LRRIQ3: variants seen among roughly 807,000 people sequenced by gnomAD.
LRRIQ3 encodes the protein leucine rich repeats and IQ motif containing 3, also known as leucine-rich repeat and IQ domain-containing protein 3.
LRRIQ3 carries 75 observed loss-of-function variants against 59.3 expected under a neutral mutation model. The ratio of observed to expected loss-of-function variants is 1.26; its 90% CI spans 1.05 to 1.53. The LOEUF is 1.53. LRRIQ3 is among the 40% of genes most tolerant of loss of function. The pLI is 0.00. For synonymous variants in LRRIQ3, 250 were observed against 231.3 expected, an observed-to-expected ratio of 1.08 and a Z score of -0.73; for missense variants, 831 against 710.0, an observed-to-expected ratio of 1.17 and a Z score of -1.94.
chr1:74,054,764 A>C (rs942092001), intron 6 of LRRIQ3, among the ~76,000 whole-genome samples: 93 of 147,766 alleles, frequency 6.3e-4, no homozygotes, highest in East Asian at 5.9e-4. Context: ...ATATCTATAT[A>C]TCTACATACA....
chr1:74,100,930 A>G (rs1221825790), intron 5 of LRRIQ3, among the ~76,000 whole-genome samples: 1 of 152,180 alleles, frequency 6.6e-6, no homozygotes, highest in Non-Finnish European at 1.5e-5. Flanking sequence ...AAAGACTTAA[A>G]TGTTAGACCT....
chr1:74,168,288 T>C (rs1308577727), intron 3 of LRRIQ3, among the ~76,000 whole-genome samples: 1 of 152,050 alleles, frequency 6.6e-6, no homozygotes, highest in African/African-American at 2.4e-5. Flanking sequence ...CCATTTAGAA[T>C]GGCTATGCCT....
At chr1:74,130,629 C>T (rs1429896845) in intron 4 of LRRIQ3, among the ~76,000 whole-genome samples, 1 of 152,096 alleles carries the variant, frequency 6.6e-6, no homozygotes, top group African/African-American at 2.4e-5. Flanking sequence ...GCCGATAGTT[C>T]TTCAATTTGG....
chr1:74,077,833 G>C (rs1557604854), intron 5 of LRRIQ3, among the ~76,000 whole-genome samples: 1 of 151,928 alleles, frequency 6.6e-6, no homozygotes, highest in African/African-American at 2.4e-5. Context: ...AGAAGGGAAA[G>C]AGAATGTGTG....
intron 4 of LRRIQ3, among the ~76,000 whole-genome samples, chr1:74,146,528 A>T (rs1647580536): frequency 6.6e-6 from 1 of 152,248 alleles, no homozygotes; most frequent in African/African-American, 2.4e-5. Context: ...CATGCCTATA[A>T]GGCAGGTAGT....
At chr1:74,169,590 A>C (rs113596760) in intron 3 of LRRIQ3, among the ~76,000 whole-genome samples, 9 of 152,116 alleles carry the variant, frequency 5.9e-5, no homozygotes, top group African/African-American at 2.2e-4. Context: ...TTGCTCTGTC[A>C]CCCAGGCTGG....
rs1486886476 is a variant in LRRIQ3, at chr1:74,182,863, T to A, written c.250-2A>T. 7.1e-7 allele frequency: 1 copy of A among 1,398,880 alleles called. No individual in the cohort carries two copies. The highest frequency in any genetic ancestry group is 2.6e-5 in the Admixed American group (1 of 38,948). 86.7% of individuals were successfully genotyped at this position (1,398,880 alleles called of 1,614,324 possible). Reference sequence around the variant, plus strand: ...TTTGGTATTTGGTAGACTCTTTATCTGAAATATTATTAAAAATCTTTTAAA... The same window carrying A: ...TTTGGTATTTGGTAGACTCTTTATCAGAAATATTATTAAAAATCTTTTAAA... On this transcript the variant is annotated splice_acceptor_variant, in intron 2 of 7. Transcript: ENST00000354431. LOFTEE classifies it high-confidence loss of function.
chr1:74,077,662 T>G (rs1261111441), intron 5 of LRRIQ3, among the ~76,000 whole-genome samples: 1 of 151,978 alleles, frequency 6.6e-6, no homozygotes, highest in Admixed American at 6.6e-5. Flanking sequence ...AAATATTTCC[T>G]TCCATGTTTT....
intron 4 of LRRIQ3, among the ~76,000 whole-genome samples, chr1:74,132,821 A>G (rs2100615191): frequency 6.6e-6 from 1 of 152,336 alleles, no homozygotes; most frequent in East Asian, 1.9e-4. Context: ...CTTCATGTCT[A>G]AAACATCAAA....
At chr1:74,077,387 G>C (rs569523175) in intron 5 of LRRIQ3, among the ~76,000 whole-genome samples, 2 of 151,608 alleles carry the variant, frequency 1.3e-5, no homozygotes, top group Non-Finnish European at 2.9e-5. Flanking sequence ...ATAAAATAAT[G>C]AGTATGTTCA....
chr1:74,120,408 G>T (rs1646837902), intron 4 of LRRIQ3, among the ~76,000 whole-genome samples: 1 of 151,966 alleles, frequency 6.6e-6, no homozygotes, highest in Admixed American at 6.6e-5. Flanking sequence ...GAGCCACAGT[G>T]CTGGCCTCTA....
intron 5 of LRRIQ3, among the ~76,000 whole-genome samples, chr1:74,098,731 G>C (rs967840880): frequency 6.6e-6 from 1 of 152,120 alleles, no homozygotes; most frequent in Admixed American, 6.5e-5. Flanking sequence ...AATCAAACTG[G>C]AACTCAGCAT....
intron 6 of LRRIQ3, among the ~76,000 whole-genome samples, chr1:74,064,273 T>C (rs1222471206): frequency 6.6e-6 from 1 of 151,986 alleles, no homozygotes; most frequent in Non-Finnish European, 1.5e-5. Flanking sequence ...TTCTGTAGGC[T>C]TGTTATCTTA....
intron 6 of LRRIQ3, among the ~76,000 whole-genome samples, chr1:74,046,127 CA>C (rs1324545947): frequency 2.6e-5 from 4 of 151,994 alleles, no homozygotes; most frequent in Non-Finnish European, 4.4e-5. Context: ...CATATGGAAC[CA>C]AAAAAGAGCC....
At chr1:74,171,403 T>C (rs1360276035) in intron 3 of LRRIQ3, among the ~76,000 whole-genome samples, 1 of 152,146 alleles carries the variant, frequency 6.6e-6, no homozygotes, top group Non-Finnish European at 1.5e-5. Flanking sequence ...ATGGAGATAA[T>C]TGTGTGATTT....
intron 5 of LRRIQ3, among the ~76,000 whole-genome samples, chr1:74,103,146 T>C (rs1470828207): frequency 6.6e-6 from 1 of 151,958 alleles, no homozygotes; most frequent in Non-Finnish European, 1.5e-5. Context: ...ATGAGACCCA[T>C]TAGTTGCAGG....
At position 74,109,453 on chromosome 1, in the gene LRRIQ3, TAAG is replaced by T; in HGVS notation, c.805_807del (p.Leu269del). The T allele has an allele frequency of 6.3e-7, 1 of 1,577,358 alleles. No individual in the cohort carries two copies. Among genetic ancestry groups the T allele is most frequent in the Non-Finnish European group, 8.6e-7 (1 of 1,162,998 alleles). On this transcript the variant is annotated inframe_deletion, in exon 5 of 8. Transcript: ENST00000354431. ...GTTTCAGGTTTGAAAAAGAGATCCTTAAGGAGCTTATCTTCATACCCTTTGGTT... is the reference window on the plus strand; with the variant it reads ...GTTTCAGGTTTGAAAAAGAGATCCTTGAGCTTATCTTCATACCCTTTGGTT...
intron 4 of LRRIQ3, among the ~76,000 whole-genome samples, chr1:74,143,032 C>T (rs1241554407): frequency 3.3e-5 from 5 of 152,008 alleles, no homozygotes; most frequent in Admixed American, 1.3e-4. Flanking sequence ...TGGAAAACTG[C>T]TTTCTAATAA....
intron 4 of LRRIQ3, among the ~76,000 whole-genome samples, chr1:74,128,375 G>A (rs1190572449): frequency 6.6e-6 from 1 of 151,900 alleles, no homozygotes; most frequent in African/African-American, 2.4e-5. Flanking sequence ...AATTCTTCTG[G>A]TAAGAGACCG....
Sources: gnomAD v4.1 joint callset for allele counts (sites outside exome capture counted in the v4.1 genomes callset) on GRCh38, gnomAD v4.1.1 for gene constraint, MANE v1.5 for transcripts, NCBI Gene and HGNC (gene_info 2026-07-23, HGNC 2026-07-21) for gene names.